Variants in PIK3C3 observed in about 807,000 individuals in gnomAD.
PIK3C3 encodes the protein PI3-kinase type 3.
In PIK3C3, 95 loss-of-function variants were observed where a neutral mutation model predicts 126.1. The ratio of observed to expected loss-of-function variants is 0.75; its 90% CI spans 0.64 to 0.89. The LOEUF (loss-of-function observed/expected upper bound fraction) is 0.89. PIK3C3 is among the 40% of genes least tolerant of loss of function. The pLI, the probability that PIK3C3 is intolerant of heterozygous loss-of-function variation, is 0.00. For synonymous variants in PIK3C3, 374 were observed against 360.0 expected (o/e 1.04, Z -0.44); for missense variants, 829 against 1,063.2 (o/e 0.78, Z 3.06).
chr18:42,078,815 C>T (rs979213203), intron 24 of PIK3C3, among the ~76,000 whole-genome samples: 1 of 152,202 alleles, frequency 6.6e-6, no homozygotes, highest in Admixed American at 6.5e-5. Flanking sequence ...TTTCTTTAAA[C>T]CTCATCAACC....
chr18:42,056,229 C>G (rs569530008), intron 21 of PIK3C3, among the ~76,000 whole-genome samples: 34 of 152,190 alleles, frequency 2.2e-4, no homozygotes, highest in African/African-American at 7.9e-4. Context: ...AAATACATGG[C>G]TATTTAACTT....
intron 12 of PIK3C3, among the ~76,000 whole-genome samples, chr18:42,018,592 T>C (rs996817037): frequency 5.9e-5 from 9 of 152,224 alleles, no homozygotes; most frequent in East Asian, 1.9e-4. Context: ...ACTGAAAGCA[T>C]TGGCACATCT....
chr18:42,019,159 T>A (rs1230601720), intron 12 of PIK3C3, among the ~76,000 whole-genome samples: 1 of 152,148 alleles, frequency 6.6e-6, no homozygotes, highest in African/African-American at 2.4e-5. Context: ...TCCTTCTGTT[T>A]TCTTACACAG....
chr18:42,078,786 A>G (rs140651672), intron 24 of PIK3C3, among the ~76,000 whole-genome samples: 10 of 152,234 alleles, frequency 6.6e-5, no homozygotes, highest in African/African-American at 1.4e-4. Context: ...TTGCACTTCT[A>G]TGTTATGGAG....
rs1473347895 is a variant in PIK3C3 at position 42,033,913 on chromosome 18, G to T, written c.1795G>T (p.Val599Leu). 3 of 1,607,112 alleles carry T rather than the reference G, an allele frequency of 1.9e-6. No homozygotes were observed. Among genetic ancestry groups the T allele is most frequent in the South Asian group, 2.2e-5 (2 of 89,952 alleles). The stretch of plus-strand genomic sequence containing the variant: ...TATCCCGTTGCCTTTAGAACCCCAA[G>T]TGAAAATTAGAGGAATAATTCCGGA... ...ELIPLPLEPQ[V>L]KIRGIIPETA... Residue 599 changes from valine to leucine, a missense_variant, in exon 16 of 25, where the codon GTG becomes TTG. Transcript: ENST00000262039.
In PIK3C3 at chr18:42,015,549, G is replaced by C; in HGVS notation, c.1399G>C (p.Asp467His). Residue 467 changes from aspartate to histidine, a missense_variant, in exon 12 of 25, where the codon GAT becomes CAT. This residue lies in a region of PIK3C3 where 256 missense variants were observed against 291.0 expected (regional missense o/e 0.88). Coordinates refer to ENST00000262039, the MANE Select transcript of PIK3C3 (RefSeq NM_002647.4). ...TGCATCAAAAACAAAAGAAGTTCCA[G>C]ATGGCGAAAATCTGGAAGTGAGTAC... Reference protein sequence around the residue: ...PPASKTKEVPDGENLEQDLCT... With the variant: ...PPASKTKEVPHGENLEQDLCT... 1.2e-6 allele frequency: 2 copies of C among 1,613,466 alleles called. No homozygotes were observed. The highest frequency in any genetic ancestry group is 1.7e-6 in the Non-Finnish European group (2 of 1,179,606).
chr18:41,960,378 G>A (rs1275512096), intron 2 of PIK3C3, among the ~76,000 whole-genome samples: 2 of 152,074 alleles, frequency 1.3e-5, no homozygotes, highest in African/African-American at 2.4e-5. Flanking sequence ...TCTCATAAAG[G>A]TTTTGAAAAT....
At chr18:41,987,339 C>T (rs9966146) in intron 4 of PIK3C3, among the ~76,000 whole-genome samples, 11,354 of 152,038 alleles carry the variant, frequency 0.075, 885 homozygotes, top group East Asian at 0.26. Flanking sequence ...TTAAAGCATA[C>T]ATGCATATGT....
intron 2 of PIK3C3, among the ~76,000 whole-genome samples, chr18:41,959,295 GT>G (rs1979955382): frequency 6.6e-6 from 1 of 152,044 alleles, no homozygotes; most frequent in Non-Finnish European, 1.5e-5. Context: ...AAGATTAAAG[GT>G]TTTCTCCTCC....
intron 4 of PIK3C3, among the ~76,000 whole-genome samples, chr18:41,983,369 C>G (rs1343552562): frequency 6.9e-6 from 1 of 145,130 alleles, no homozygotes; most frequent in South Asian, 2.2e-4. Context: ...TTTTTTTTTT[C>G]TCTCTCCAGC....
intron 22 of PIK3C3, among the ~76,000 whole-genome samples, chr18:42,060,909 C>T (rs374234751): frequency 6.6e-5 from 10 of 152,306 alleles, no homozygotes; most frequent in East Asian, 3.9e-4. Context: ...TACATTGCTT[C>T]CCCTCTTTGA....
intron 16 of PIK3C3, among the ~76,000 whole-genome samples, chr18:42,036,017 AAG>A (rs1357454848): frequency 6.6e-6 from 1 of 152,208 alleles, no homozygotes; most frequent in Admixed American, 6.5e-5. Context: ...AATCTCAAAA[AAG>A]AAATCACAAC....
chr18:42,045,905 AATAC>A (rs1984537932), intron 20 of PIK3C3, among the ~76,000 whole-genome samples: 1 of 152,178 alleles, frequency 6.6e-6, no homozygotes, highest in Admixed American at 6.5e-5. Context: ...TTCCACACAA[AATAC>A]ATACACACAC....
At chr18:42,064,412 G>T (rs1985448563) in intron 22 of PIK3C3, among the ~76,000 whole-genome samples, 1 of 152,044 alleles carries the variant, frequency 6.6e-6, no homozygotes, top group African/African-American at 2.4e-5. Context: ...TATAAAATGT[G>T]AATTGCACAT....
At chr18:41,995,471 T>C (rs1217347775) in intron 7 of PIK3C3, among the ~76,000 whole-genome samples, 3 of 152,186 alleles carry the variant, frequency 2.0e-5, no homozygotes, top group African/African-American at 7.2e-5. Flanking sequence ...TTGCCCTCAG[T>C]AACTGATAGC....
At chr18:42,048,020 A>G (rs181540909) in intron 20 of PIK3C3, among the ~76,000 whole-genome samples, 1 of 152,338 alleles carries the variant, frequency 6.6e-6, no homozygotes, top group East Asian at 1.9e-4. Flanking sequence ...CTGTGTTCAA[A>G]TAAACTTTAC....
intron 3 of PIK3C3, among the ~76,000 whole-genome samples, chr18:41,968,775 T>C (rs1033981362): frequency 6.6e-6 from 1 of 152,106 alleles, no homozygotes; most frequent in African/African-American, 2.4e-5. Flanking sequence ...TTGAAAAAAT[T>C]TATGTAAACC....
rs574187033 is a variant in PIK3C3 at position 41,990,679 on chromosome 18, C to T, written c.714+125C>T. 7 of 603,674 alleles carry T rather than the reference C, an allele frequency of 1.2e-5. No homozygotes were observed. In the African/African-American group the frequency reaches 1.3e-4, roughly 11 times the overall value. 37.4% of individuals were successfully genotyped at this position (603,674 alleles called of 1,614,324 possible). On this transcript the variant is annotated intron_variant, in intron 6 of 24. Coordinates refer to ENST00000262039, the MANE Select transcript of PIK3C3 (RefSeq NM_002647.4). ...GGTAGCAGCAGACAGCTGTCAGCAG[C>T]AGCTGTTTATGTATACAGAAATCAA... is the stretch of plus-strand genomic sequence containing the variant.
At chr18:42,047,605 G>A (rs1377672759) in intron 20 of PIK3C3, among the ~76,000 whole-genome samples, 3 of 152,248 alleles carry the variant, frequency 2.0e-5, no homozygotes, top group South Asian at 4.1e-4. Context: ...GGCCTTACCC[G>A]ACTTCTGTGA....
Sources: gnomAD v4.1 joint callset for allele counts (sites outside exome capture counted in the v4.1 genomes callset) on GRCh38, gnomAD v4.1.1 for gene constraint, gnomAD v4.1.1 regional missense constraint, MANE v1.5 for transcripts, NCBI Gene and HGNC (gene_info 2026-07-23, HGNC 2026-07-21) for gene names.